The following CEP128 variants were observed in gnomAD, a reference collection of about 807,000 sequenced individuals.
The protein encoded by CEP128 is centrosomal protein 128kDa.
Under a neutral mutation model 156.7 loss-of-function variants are expected in CEP128, and 132 were observed. The observed-to-expected ratio is 0.84, with a 90% CI of 0.73 to 0.97. The LOEUF is 0.97. Ranked by LOEUF, CEP128 falls within the 50% of genes least tolerant of loss-of-function variation. The probability of loss-of-function intolerance (pLI) is 0.00; values close to 1 mark genes in which losing one functional copy is unlikely to be tolerated. For missense variants in CEP128, 1,252 were observed against 1,281.9 expected (o/e 0.98, Z 0.36); for synonymous variants, 469 against 448.9 (o/e 1.04, Z -0.57).
intron 13 of CEP128, among the ~76,000 whole-genome samples, chr14:80,801,344 G>A (rs777699574): frequency 6.6e-6 from 1 of 152,020 alleles, no homozygotes; most frequent in Non-Finnish European, 1.5e-5. Flanking sequence ...TCCAGCTTTT[G>A]CCCATTCAAT....
chr14:80,670,478 A>T (rs1895794731), intron 19 of CEP128, among the ~76,000 whole-genome samples: 1 of 152,230 alleles, frequency 6.6e-6, no homozygotes, highest in Non-Finnish European at 1.5e-5. Flanking sequence ...TGTCTTTTGC[A>T]GAAACATGGA....
intron 7 of CEP128, among the ~76,000 whole-genome samples, chr14:80,899,225 T>C (rs1883384878): frequency 6.6e-6 from 1 of 152,224 alleles, no homozygotes; most frequent in Non-Finnish European, 1.5e-5. Context: ...GTGTGTGGGA[T>C]GATTTAGACA....
At chr14:80,491,415 G>A (rs761777286) in intron 6 of CEP128, among the ~76,000 whole-genome samples, 1 of 152,106 alleles carries the variant, frequency 6.6e-6, no homozygotes, top group African/African-American at 2.4e-5. Context: ...AGGCCAGAGG[G>A]GGGGAAAAAG....
intron 8 of CEP128, among the ~76,000 whole-genome samples, chr14:80,863,580 C>A (rs1227032223): frequency 6.6e-6 from 1 of 152,130 alleles, no homozygotes; most frequent in Non-Finnish European, 1.5e-5. Context: ...TCATGTATTT[C>A]ATTATACAGC....
At chr14:80,911,716 C>T (rs1012544674) in intron 4 of CEP128, among the ~76,000 whole-genome samples, 8 of 151,998 alleles carry the variant, frequency 5.3e-5, no homozygotes, top group African/African-American at 1.7e-4. Flanking sequence ...ATAATTAGAA[C>T]AATGCCTGAG....
upstream of CEP128, among the ~76,000 whole-genome samples, chr14:80,944,315 A>C (rs1192284719): frequency 6.6e-6 from 1 of 152,076 alleles, no homozygotes; most frequent in Non-Finnish European, 1.5e-5. Flanking sequence ...TGGGGGAGGA[A>C]CCTTGTGAGG....
chr14:80,898,919 T>G (rs1369533674), intron 7 of CEP128, among the ~76,000 whole-genome samples: 1 of 152,172 alleles, frequency 6.6e-6, no homozygotes, highest in Non-Finnish European at 1.5e-5. Flanking sequence ...GGGGCCTTAC[T>G]GCCTAGATTT....
intron 19 of CEP128, among the ~76,000 whole-genome samples, chr14:80,635,686 A>G (rs1894152442): frequency 6.6e-6 from 1 of 152,246 alleles, no homozygotes; most frequent in Non-Finnish European, 1.5e-5. Context: ...TTTATCAGCG[A>G]ACAAAGGAAC....
intron 8 of CEP128, among the ~76,000 whole-genome samples, chr14:80,883,566 A>G (rs1888653412): frequency 6.6e-6 from 1 of 152,166 alleles, no homozygotes; most frequent in Admixed American, 6.5e-5. Flanking sequence ...AAAACTATAT[A>G]AGATTGATGC....
intron 2 of CEP128, among the ~76,000 whole-genome samples, chr14:80,916,770 C>T (rs1458621375): frequency 6.6e-6 from 1 of 152,124 alleles, no homozygotes; most frequent in Non-Finnish European, 1.5e-5. Flanking sequence ...TTTAAGGGAG[C>T]GATTCCTCAG....
At chr14:80,822,006 C>T (rs375535558) in intron 13 of CEP128, among the ~76,000 whole-genome samples, 2 of 152,254 alleles carry the variant, frequency 1.3e-5, no homozygotes, top group African/African-American at 4.8e-5. Flanking sequence ...GAGACTTATT[C>T]ATGATCATGA....
chr14:80,950,553 C>T (rs1301650146), intron 2 of CEP128, among the ~76,000 whole-genome samples: 2 of 152,002 alleles, frequency 1.3e-5, no homozygotes, highest in East Asian at 1.9e-4. Context: ...AAAAAGAATA[C>T]TGAATTTGAA....
At chr14:80,699,738 T>C (rs1897009212) in intron 19 of CEP128, among the ~76,000 whole-genome samples, 1 of 152,190 alleles carries the variant, frequency 6.6e-6, no homozygotes, top group African/African-American at 2.4e-5. Context: ...CCCAGATTGC[T>C]ATCTTAGGTG....
At chr14:80,752,115 A>G (rs1395374636) in intron 18 of CEP128, among the ~76,000 whole-genome samples, 1 of 152,212 alleles carries the variant, frequency 6.6e-6, no homozygotes, top group African/African-American at 2.4e-5. Context: ...ATCAAGGACC[A>G]CAGAAAATTT....
At position 80,757,506 on chromosome 14, in the gene CEP128, C is replaced by T. The variant is rs537687381; in HGVS notation, c.2554-555G>A. Among the ~76,000 whole-genome samples, 9 of 152,322 alleles carry T rather than the reference C, an allele frequency of 5.9e-5. No individual in the cohort carries two copies. The South Asian group carries it at 1.9e-3, about 32-fold the overall frequency. On this transcript the variant is annotated intron_variant, in intron 17 of 24. Coordinates refer to ENST00000555265, the MANE Select transcript of CEP128 (RefSeq NM_152446.5). Reference sequence around the variant, plus strand: ...TCATCTGCGCTAGCTGCTTTGACTTCCTTCACGCCAACTCATTTATAAAAT... The same window carrying T: ...TCATCTGCGCTAGCTGCTTTGACTTTCTTCACGCCAACTCATTTATAAAAT...
In CEP128 at chr14:80,785,487, T is replaced by C. The variant is rs778050789; in HGVS notation, c.1619A>G (p.Glu540Gly). The change falls in exon 15 of 25, where the codon GAG becomes GGG. Residue 540 changes from glutamate (E) to glycine (G), a missense_variant. Glu to Gly is a moderately conservative substitution (Grantham distance 98). Transcript: ENST00000555265. ...ATCATTCAATTCCTTTCGAAGATTC[T>C]CTATTTGTTGTAATGCTGCATACAG... ...TQLYAALQQI[E>G]NLRKELNDVL... 3 of 1,613,676 alleles carry C rather than the reference T, an allele frequency of 1.9e-6. No individual in the cohort carries two copies. Among genetic ancestry groups the C allele is most frequent in the Non-Finnish European group, 2.5e-6 (3 of 1,179,798 alleles).
At chr14:80,889,918 A>C (rs141706491) in intron 8 of CEP128, among the ~76,000 whole-genome samples, 37 of 152,316 alleles carry the variant, frequency 2.4e-4, no homozygotes, top group African/African-American at 7.5e-4. Context: ...AGGAACTTAA[A>C]CATATTTACA....
intron 2 of CEP128, among the ~76,000 whole-genome samples, chr14:80,930,817 A>C (rs1184242463): frequency 6.6e-6 from 1 of 152,244 alleles, no homozygotes; most frequent in Non-Finnish European, 1.5e-5. Flanking sequence ...CATCATTCTC[A>C]GTGGCTAACC....
chr14:80,573,749 G>C (rs35699924), intron 20 of CEP128, among the ~76,000 whole-genome samples: 11 of 152,104 alleles, frequency 7.2e-5, no homozygotes, highest in African/African-American at 2.4e-4. Flanking sequence ...CTGCTAATGC[G>C]TTCTTTCTGG....
Sources: gnomAD v4.1 joint callset for allele counts (sites outside exome capture counted in the v4.1 genomes callset) on GRCh38, gnomAD v4.1.1 for gene constraint, MANE v1.5 for transcripts, NCBI Gene and HGNC (gene_info 2026-07-23, HGNC 2026-07-21) for gene names.